Variants in RAB27B observed in about 807,000 individuals in gnomAD.
RAB27B encodes the protein RAB27B, member RAS oncogene family, also known as ras-related protein Rab-27B.
A neutral mutation model predicts 24.6 loss-of-function variants in RAB27B; 15 were observed. The ratio of observed to expected loss-of-function variants is 0.61; its 90% CI spans 0.41 to 0.94. The LOEUF (loss-of-function observed/expected upper bound fraction) is 0.94, where lower values mean the gene tolerates loss of function less well. Among genes scored for constraint, RAB27B ranks in the 40% least tolerant of loss-of-function variants. RAB27B has a pLI of 0.00. For missense variants in RAB27B, 261 were observed against 266.8 expected (o/e 0.98, Z 0.15); for synonymous variants, 105 against 92.5 (o/e 1.14, Z -0.78).
intron 1 of RAB27B, among the ~76,000 whole-genome samples, chr18:54,848,906 CA>C (rs1911445226): frequency 6.6e-6 from 1 of 151,760 alleles, no homozygotes; most frequent in East Asian, 1.9e-4. Flanking sequence ...TTTGTTCTTT[CA>C]AAAAAAGTAT....
At chr18:54,876,050 G>A (rs376735868) in intron 1 of RAB27B, among the ~76,000 whole-genome samples, 13 of 152,064 alleles carry the variant, frequency 8.5e-5, no homozygotes, top group African/African-American at 2.4e-4. Flanking sequence ...ACAGTTTAGC[G>A]TGGCTGGGGA....
chr18:54,730,891 A>G (rs1162118643), intron 2 of RAB27B, among the ~76,000 whole-genome samples: 5 of 152,206 alleles, frequency 3.3e-5, no homozygotes, highest in Non-Finnish European at 1.5e-5. Flanking sequence ...CTAACACACT[A>G]CATGAGTTTG....
chr18:54,881,750 G>A (rs1455369233), intron 3 of RAB27B, among the ~76,000 whole-genome samples: 1 of 152,150 alleles, frequency 6.6e-6, no homozygotes, highest in African/African-American at 2.4e-5. Context: ...CAAAGATACT[G>A]GACAGAATAG....
At chr18:54,809,879 T>C (rs1909908070) in intron 2 of RAB27B, among the ~76,000 whole-genome samples, 1 of 152,224 alleles carries the variant, frequency 6.6e-6, no homozygotes, top group South Asian at 2.1e-4. Flanking sequence ...TACGCATTCA[T>C]GTACAGCTAA....
chr18:54,820,544 A>C (rs1174305930), intron 2 of RAB27B, among the ~76,000 whole-genome samples: 1 of 152,000 alleles, frequency 6.6e-6, no homozygotes, highest in Non-Finnish European at 1.5e-5. Flanking sequence ...AGATTGCAAA[A>C]ATTTTCTCCC....
intron 2 of RAB27B, among the ~76,000 whole-genome samples, chr18:54,778,184 C>T (rs907997259): frequency 1.3e-5 from 2 of 152,188 alleles, no homozygotes; most frequent in African/African-American, 4.8e-5. Flanking sequence ...ATTTCTTTCT[C>T]TAAGGTGCTC....
intron 2 of RAB27B, among the ~76,000 whole-genome samples, chr18:54,820,758 T>C (rs1240248226): frequency 2.0e-5 from 3 of 152,254 alleles, no homozygotes; most frequent in African/African-American, 7.2e-5. Context: ...AATTCTAACA[T>C]TTAATTCTTT....
chr18:54,796,509 A>G (rs566040059), intron 2 of RAB27B, among the ~76,000 whole-genome samples: 12 of 152,250 alleles, frequency 7.9e-5, no homozygotes, highest in South Asian at 2.1e-4. Context: ...GGGAGCCAGA[A>G]GGGGAGATGG....
intron 1 of RAB27B, among the ~76,000 whole-genome samples, chr18:54,843,867 A>C (rs371915296): frequency 6.6e-6 from 1 of 152,204 alleles, no homozygotes; most frequent in Non-Finnish European, 1.5e-5. Context: ...AAAATCATGA[A>C]TATTTGGGCA....
chr18:54,727,787 A>C (rs572776332), intron 2 of RAB27B, among the ~76,000 whole-genome samples: 5 of 152,184 alleles, frequency 3.3e-5, no homozygotes, highest in Non-Finnish European at 5.9e-5. Flanking sequence ...GCTTATAGTT[A>C]TATGTTTCGT....
At chr18:54,780,917 T>C (rs1173028025) in intron 2 of RAB27B, among the ~76,000 whole-genome samples, 1 of 152,176 alleles carries the variant, frequency 6.6e-6, no homozygotes, top group East Asian at 1.9e-4. Context: ...GGCTAACAGC[T>C]CATTAGTAGT....
At chr18:54,759,154 C>G (rs1054774862) in intron 2 of RAB27B, among the ~76,000 whole-genome samples, 1 of 152,166 alleles carries the variant, frequency 6.6e-6, no homozygotes, top group Non-Finnish European at 1.5e-5. Context: ...AAGTCACTAA[C>G]TGGTACTGAG....
intron 2 of RAB27B, among the ~76,000 whole-genome samples, chr18:54,766,220 A>C (rs1427423926): frequency 6.6e-6 from 1 of 152,198 alleles, no homozygotes; most frequent in Non-Finnish European, 1.5e-5. Flanking sequence ...AAAAGCAGGA[A>C]ATAATAGAAA....
intron 1 of RAB27B, among the ~76,000 whole-genome samples, chr18:54,869,556 A>C (rs556099982): frequency 2.2e-4 from 33 of 152,224 alleles, no homozygotes; most frequent in Non-Finnish European, 4.0e-4. Flanking sequence ...AAACTGGAGA[A>C]GTGCAAGAAC....
At chr18:54,849,420 A>T (rs1349763189) in intron 1 of RAB27B, among the ~76,000 whole-genome samples, 1 of 152,198 alleles carries the variant, frequency 6.6e-6, no homozygotes, top group South Asian at 2.1e-4. Flanking sequence ...CACCTGCACT[A>T]TAAAGAAGGT....
chr18:54,804,938 C>CTTTCTTTCTTTCTT (rs1176197406), intron 2 of RAB27B, among the ~76,000 whole-genome samples: 1 of 105,660 alleles, frequency 9.5e-6, no homozygotes, highest in African/African-American at 3.5e-5. Context: ...TTCTTTCTTT[C>CTTTCTTTCTTTCTT]TTTCTTTCTT....
chr18:54,752,723 A>G (rs1204222001), intron 2 of RAB27B, among the ~76,000 whole-genome samples: 1 of 152,204 alleles, frequency 6.6e-6, no homozygotes, highest in Admixed American at 6.6e-5. Context: ...GAGGTCTATG[A>G]AAGTCCCTTA....
intron 2 of RAB27B, among the ~76,000 whole-genome samples, chr18:54,791,006 CACTA>C (rs1412493719): frequency 6.6e-6 from 1 of 152,126 alleles, no homozygotes; most frequent in East Asian, 1.9e-4. Context: ...ATTGCAAAGA[CACTA>C]ACAGCAATTT....
intron 2 of RAB27B, among the ~76,000 whole-genome samples, chr18:54,761,041 CTG>C (rs1908171833): frequency 1.3e-5 from 2 of 149,046 alleles, no homozygotes; most frequent in Non-Finnish European, 3.0e-5. Flanking sequence ...GCTTGAGAAT[CTG>C]ATATCACAAA....
Sources: gnomAD v4.1 joint callset for allele counts (sites outside exome capture counted in the v4.1 genomes callset) on GRCh38, gnomAD v4.1.1 for gene constraint, MANE v1.5 for transcripts, NCBI Gene and HGNC (gene_info 2026-07-23, HGNC 2026-07-21) for gene names.